The following RASSF8 variants were observed in gnomAD, a reference collection of about 807,000 sequenced individuals.
The protein encoded by RASSF8 is ras association domain-containing protein 8.
RASSF8 carries 22 observed loss-of-function variants against 48.5 expected under a neutral mutation model. That is an observed-to-expected ratio of 0.45 (90% CI 0.32 to 0.65). RASSF8 has a LOEUF of 0.65. Among genes scored for constraint, RASSF8 ranks in the 30% least tolerant of loss-of-function variants. The pLI is 0.03. For synonymous variants in RASSF8, 127 were observed against 171.5 expected, an observed-to-expected ratio of 0.74 and a Z score of 2.03; for missense variants, 418 against 489.2, an observed-to-expected ratio of 0.85 and a Z score of 1.37.
At chr12:26,024,076 A>T (rs943580905) in intron 2 of RASSF8, among the ~76,000 whole-genome samples, 2 of 152,242 alleles carry the variant, frequency 1.3e-5, no homozygotes, top group Non-Finnish European at 2.9e-5. Flanking sequence ...TAAGGTACAT[A>T]GATATTGTCT....
chr12:25,980,027 T>G (rs1174237069), intron 1 of RASSF8, among the ~76,000 whole-genome samples: 2 of 152,176 alleles, frequency 1.3e-5, no homozygotes, highest in Non-Finnish European at 2.9e-5. Context: ...AAATTCAGAG[T>G]GGTAGTTACG....
intron 2 of RASSF8, among the ~76,000 whole-genome samples, chr12:26,001,770 CTGT>C (rs1236478367): frequency 6.6e-6 from 1 of 151,330 alleles, no homozygotes; most frequent in Non-Finnish European, 1.5e-5. Context: ...CTGCCTGAGG[CTGT>C]TTTACAGTTA....
Position 25,963,655 on chromosome 12 carries a change from A to G in RASSF8, c.-203+4507A>G, listed in dbSNP as rs1287406293. Among the ~76,000 whole-genome samples the G allele has an allele frequency of 2.0e-5, 3 of 151,888 alleles. No individual in the cohort carries two copies. In the South Asian group the frequency reaches 6.2e-4, roughly 31 times the overall value. On this transcript the variant is annotated intron_variant, in intron 1 of 5. Coordinates refer to ENST00000689635, the MANE Select transcript of RASSF8 (RefSeq NM_001394098.1). Reference sequence around the variant, plus strand: ...AGCTGATTCAAGTCCTTCAGAACGTACTCCTCTGCAGTCCACCTCGGGGGT... The same window carrying G: ...AGCTGATTCAAGTCCTTCAGAACGTGCTCCTCTGCAGTCCACCTCGGGGGT...
intron 2 of RASSF8, among the ~76,000 whole-genome samples, chr12:26,012,954 G>C (rs970657430): frequency 6.6e-6 from 1 of 152,146 alleles, no homozygotes; most frequent in African/African-American, 2.4e-5. Context: ...GGGACTACAG[G>C]CATGAGCCAC....
rs1591808026 is a variant in RASSF8 at position 26,056,257 on chromosome 12, A to G, written c.103+811A>G. Among the ~76,000 whole-genome samples, 4 of 152,286 alleles carry G rather than the reference A, an allele frequency of 2.6e-5. No homozygotes were observed. In the South Asian group the frequency reaches 8.3e-4, roughly 32 times the overall value. The stretch of plus-strand genomic sequence containing the variant: ...GCTCTTGGCTTCATGTTATTCTCCC[A>G]CCATGTTTTACCCTTTCTTCTTATT... On this transcript the variant is annotated intron_variant, in intron 3 of 5. Coordinates refer to ENST00000689635, the MANE Select transcript of RASSF8 (RefSeq NM_001394098.1).
chr12:26,054,538 C>T (rs1423778442), intron 2 of RASSF8, among the ~76,000 whole-genome samples: 1 of 152,154 alleles, frequency 6.6e-6, no homozygotes, highest in Non-Finnish European at 1.5e-5. Flanking sequence ...GAATTCGTTT[C>T]CTTTGACTAA....
Position 26,069,533 on chromosome 12 carries a change from A to G in RASSF8, c.*715A>G, listed in dbSNP as rs1229221286. 1.0e-5 allele frequency: 10 copies of G among 985,318 alleles called. No individual in the cohort carries two copies. The highest frequency in any genetic ancestry group is 1.2e-5 in the Non-Finnish European group (10 of 829,928). 61.0% of individuals were successfully genotyped at this position (985,318 alleles called of 1,614,324 possible). On this transcript the variant is annotated 3_prime_UTR_variant, in exon 6 of 6. Coordinates refer to ENST00000689635, the MANE Select transcript of RASSF8 (RefSeq NM_001394098.1). The stretch of plus-strand genomic sequence containing the variant: ...ATAAGCTAAATTGTATGTATAAAAC[A>G]TTTGCAGTGTTTCAGACACTGTTGA...
intron 2 of RASSF8, among the ~76,000 whole-genome samples, chr12:26,047,096 C>A (rs1413827869): frequency 2.6e-5 from 4 of 152,194 alleles, no homozygotes; most frequent in African/African-American, 7.2e-5. Context: ...TGCACACATG[C>A]CTCAGATCAT....
chr12:25,965,359 AT>A (rs1310221289), intron 1 of RASSF8, among the ~76,000 whole-genome samples: 1 of 120,616 alleles, frequency 8.3e-6, no homozygotes, highest in Non-Finnish European at 1.8e-5. Context: ...ACTTTCCCAA[AT>A]TTCTTTTTTT....
At chr12:26,029,047 G>A (rs752281584) in intron 2 of RASSF8, among the ~76,000 whole-genome samples, 2 of 152,184 alleles carry the variant, frequency 1.3e-5, no homozygotes, top group African/African-American at 4.8e-5. Flanking sequence ...TATGATAACA[G>A]TAAGAATTCT....
chr12:25,979,728 A>G (rs537526277), intron 1 of RASSF8, among the ~76,000 whole-genome samples: 1 of 152,332 alleles, frequency 6.6e-6, no homozygotes, highest in Non-Finnish European at 1.5e-5. Flanking sequence ...TATTGGTTTT[A>G]ACTAACATTC....
chr12:26,074,333 T>C (rs1000631546), downstream of RASSF8, among the ~76,000 whole-genome samples: 1 of 152,074 alleles, frequency 6.6e-6, no homozygotes, highest in African/African-American at 2.4e-5. Flanking sequence ...TGCATATATT[T>C]GTTCTCTACC....
At chr12:25,977,733 G>T (rs1001545314) in intron 1 of RASSF8, among the ~76,000 whole-genome samples, 2 of 151,820 alleles carry the variant, frequency 1.3e-5, no homozygotes, top group African/African-American at 4.8e-5. Flanking sequence ...CAGTTACCAA[G>T]TTGGCCTTTT....
intron 2 of RASSF8, among the ~76,000 whole-genome samples, chr12:26,002,381 C>T (rs928894490): frequency 4.0e-5 from 6 of 151,406 alleles, no homozygotes; most frequent in East Asian, 1.9e-4. Context: ...TGCAGTGAGC[C>T]GAGATTGCGT....
Position 26,065,043 on chromosome 12 carries a change from G to T in RASSF8, c.649G>T (p.Asp217Tyr). 1 of 1,613,562 alleles carries T rather than the reference G, an allele frequency of 6.2e-7. No homozygotes were observed. Among genetic ancestry groups the T allele is most frequent in the South Asian group, 1.1e-5 (1 of 90,944 alleles). ...VRLEQKIKRN[D>Y]VEIEEEEFWE... Reference sequence around the variant, plus strand: ...TCTAGAGCAAAAGATCAAAAGAAACGATGTAGAAATTGAGGAGGAAGAATT... The same window carrying T: ...TCTAGAGCAAAAGATCAAAAGAAACTATGTAGAAATTGAGGAGGAAGAATT... Residue 217 changes from aspartate to tyrosine, a missense_variant, in exon 4 of 6, where the codon GAT becomes TAT. Asp to Tyr is a radical substitution (Grantham distance 160). Coordinates refer to ENST00000689635, the MANE Select transcript of RASSF8 (RefSeq NM_001394098.1).
chr12:26,035,870 ATATAT>A (rs919955684), intron 2 of RASSF8, among the ~76,000 whole-genome samples: 13 of 140,724 alleles, frequency 9.2e-5, no homozygotes, highest in African/African-American at 2.9e-4. Flanking sequence ...TAATAAAATT[ATATAT>A]TATATATTAT....
At chr12:26,040,781 A>G (rs1053803657) in intron 2 of RASSF8, among the ~76,000 whole-genome samples, 2 of 152,122 alleles carry the variant, frequency 1.3e-5, no homozygotes, top group Non-Finnish European at 2.9e-5. Context: ...GGCATTGAAT[A>G]TATTCATATA....
At chr12:26,007,028 G>A (rs565164226) in intron 2 of RASSF8, among the ~76,000 whole-genome samples, 1 of 152,270 alleles carries the variant, frequency 6.6e-6, no homozygotes, top group Non-Finnish European at 1.5e-5. Flanking sequence ...GAAAGTGAAG[G>A]GGAGCCAGCG....
chr12:26,018,105 T>C (rs1447493644), intron 2 of RASSF8, among the ~76,000 whole-genome samples: 2 of 139,588 alleles, frequency 1.4e-5, no homozygotes, highest in East Asian at 4.1e-4. Flanking sequence ...CATTGGAGGA[T>C]ATCTGTATTC....
Sources: gnomAD v4.1 joint callset for allele counts (sites outside exome capture counted in the v4.1 genomes callset) on GRCh38, gnomAD v4.1.1 for gene constraint, MANE v1.5 for transcripts, NCBI Gene and HGNC (gene_info 2026-07-23, HGNC 2026-07-21) for gene names.